The following ERBB4 variants were observed in gnomAD, a reference collection of about 807,000 sequenced individuals.
ERBB4 encodes the protein erb-b2 receptor tyrosine kinase 4.
Under a neutral mutation model 158.0 loss-of-function variants are expected in ERBB4, and 42 were observed. The observed-to-expected ratio is 0.27, with a 90% CI of 0.21 to 0.34. The LOEUF (loss-of-function observed/expected upper bound fraction) is 0.34. Ranked by LOEUF, ERBB4 falls within the 10% of genes least tolerant of loss-of-function variation. ERBB4 has a pLI of 1.00. For synonymous variants in ERBB4, 583 were observed against 558.7 expected (o/e 1.04, Z -0.61); for missense variants, 1,333 against 1,624.1 (o/e 0.82, Z 3.08).
At chr2:212,198,000 A>T (rs2082480985) in intron 1 of ERBB4, among the ~76,000 whole-genome samples, 1 of 152,196 alleles carries the variant, frequency 6.6e-6, no homozygotes, top group African/African-American at 2.4e-5. Context: ...AACACACTTC[A>T]TATGGGGATT....
chr2:211,926,095 A>G (rs1457101732), intron 3 of ERBB4, among the ~76,000 whole-genome samples: 1 of 152,232 alleles, frequency 6.6e-6, no homozygotes, highest in East Asian at 1.9e-4. Context: ...GGCTATAACT[A>G]GGAATGTCTC....
At chr2:212,109,756 TG>T (rs2079347098) in intron 2 of ERBB4, among the ~76,000 whole-genome samples, 1 of 152,224 alleles carries the variant, frequency 6.6e-6, no homozygotes, top group Admixed American at 6.5e-5. Flanking sequence ...AGCAAGAGCG[TG>T]ATCAAACAAT....
chr2:211,550,690 A>G (rs926612782), intron 20 of ERBB4, among the ~76,000 whole-genome samples: 7 of 136,720 alleles, frequency 5.1e-5, no homozygotes, highest in Middle Eastern at 3.5e-3. Flanking sequence ...ATTTCTTAGA[A>G]TAAGTATATA....
chr2:212,369,131 C>T (rs900857929), intron 1 of ERBB4, among the ~76,000 whole-genome samples: 1 of 152,104 alleles, frequency 6.6e-6, no homozygotes, highest in African/African-American at 2.4e-5. Flanking sequence ...GGTCTCTACA[C>T]TGTTTAAAAT....
At chr2:211,820,957 A>T in intron 3 of ERBB4, among the ~76,000 whole-genome samples, 1 of 151,868 alleles carries the variant, frequency 6.6e-6, no homozygotes, top group East Asian at 1.9e-4. Context: ...TAACATCAAA[A>T]GTTTCCAGCT....
chr2:212,209,523 G>A (rs961255040), intron 1 of ERBB4, among the ~76,000 whole-genome samples: 17 of 152,072 alleles, frequency 1.1e-4, no homozygotes, highest in African/African-American at 2.4e-5. Context: ...GAGACTAGAG[G>A]TTGAGAGAGT....
intron 4 of ERBB4, among the ~76,000 whole-genome samples, chr2:211,762,753 G>A (rs2075447294): frequency 6.6e-6 from 1 of 152,206 alleles, no homozygotes; most frequent in Non-Finnish European, 1.5e-5. Context: ...CAAAGGACAT[G>A]AAATGGGATC....
At chr2:211,393,437 A>T (rs2062845264) in intron 25 of ERBB4, among the ~76,000 whole-genome samples, 1 of 152,194 alleles carries the variant, frequency 6.6e-6, no homozygotes, top group African/African-American at 2.4e-5. Context: ...CCGTCACTCT[A>T]TGACCTTAAC....
At chr2:212,213,621 T>C (rs1222372197) in intron 1 of ERBB4, among the ~76,000 whole-genome samples, 1 of 151,884 alleles carries the variant, frequency 6.6e-6, no homozygotes, top group Non-Finnish European at 1.5e-5. Flanking sequence ...ATTAGTACAA[T>C]GCTAAAGTAA....
intron 12 of ERBB4, among the ~76,000 whole-genome samples, chr2:211,700,336 A>C (rs1026228408): frequency 6.6e-6 from 1 of 152,170 alleles, no homozygotes; most frequent in Non-Finnish European, 1.5e-5. Context: ...AACACAGGCC[A>C]AATGAAATAA....
At chr2:212,448,761 T>C (rs1215770702) in intron 1 of ERBB4, among the ~76,000 whole-genome samples, 3 of 152,112 alleles carry the variant, frequency 2.0e-5, no homozygotes, top group African/African-American at 7.2e-5. Flanking sequence ...AAAACTTACA[T>C]GATACTAGTA....
intron 19 of ERBB4, among the ~76,000 whole-genome samples, chr2:211,598,792 G>C (rs1217061223): frequency 6.6e-6 from 1 of 152,130 alleles, no homozygotes; most frequent in African/African-American, 2.4e-5. Flanking sequence ...CCATGTACTA[G>C]GAAAAGGGGA....
At chr2:212,109,746 A>G (rs760779470) in intron 2 of ERBB4, among the ~76,000 whole-genome samples, 25 of 152,210 alleles carry the variant, frequency 1.6e-4, no homozygotes, top group Non-Finnish European at 2.6e-4. Flanking sequence ...GAGAGCATTA[A>G]GCAAGAGCGT....
At chr2:211,687,128 C>T (rs1189897154) in intron 12 of ERBB4, among the ~76,000 whole-genome samples, 2 of 38,978 alleles carry the variant, frequency 5.1e-5, no homozygotes, top group Non-Finnish European at 1.1e-4. Flanking sequence ...AACCCCATCT[C>T]TACTTAAAAA....
At chr2:211,871,724 A>G (rs2045824348) in intron 3 of ERBB4, among the ~76,000 whole-genome samples, 1 of 152,188 alleles carries the variant, frequency 6.6e-6, no homozygotes, top group Non-Finnish European at 1.5e-5. Flanking sequence ...TCCATCATAA[A>G]CCAAAAATAT....
At chr2:212,238,996 A>T (rs1357136) in intron 1 of ERBB4, among the ~76,000 whole-genome samples, 10 of 152,012 alleles carry the variant, frequency 6.6e-5, no homozygotes, top group African/African-American at 2.4e-4. Flanking sequence ...TTCAGTTCAA[A>T]CACTTATTAA....
chr2:211,414,268 C>T (rs1024777614), intron 25 of ERBB4, among the ~76,000 whole-genome samples: 1 of 152,136 alleles, frequency 6.6e-6, no homozygotes, highest in South Asian at 2.1e-4. Context: ...GAGGCTGAGG[C>T]GGGCGAATCA....
intron 16 of ERBB4, among the ~76,000 whole-genome samples, chr2:211,643,305 G>C (rs371600654): frequency 3.3e-5 from 5 of 152,202 alleles, no homozygotes; most frequent in East Asian, 3.9e-4. Context: ...CTAATGCTTA[G>C]AGCTGTGGCA....
intron 19 of ERBB4, among the ~76,000 whole-genome samples, chr2:211,598,549 T>G (rs920188998): frequency 1.3e-5 from 2 of 152,182 alleles, no homozygotes; most frequent in African/African-American, 4.8e-5. Flanking sequence ...TTCAACTAGT[T>G]AGTAAACAGT....
Sources: gnomAD v4.1 joint callset for allele counts (sites outside exome capture counted in the v4.1 genomes callset) on GRCh38, gnomAD v4.1.1 for gene constraint, MANE v1.5 for transcripts, NCBI Gene and HGNC (gene_info 2026-07-23, HGNC 2026-07-21) for gene names.